The following MAPK10 variants were observed in gnomAD, a reference collection of about 807,000 sequenced individuals.
MAPK10 encodes the protein JNK3 alpha protein kinase.
A neutral mutation model predicts 59.3 loss-of-function variants in MAPK10; 25 were observed. The ratio of observed to expected loss-of-function variants is 0.42; its 90% CI spans 0.31 to 0.59. The LOEUF is 0.59. Among genes scored for constraint, MAPK10 ranks in the 20% least tolerant of loss-of-function variants. MAPK10 has a pLI of 0.15. For synonymous variants in MAPK10, 190 were observed against 200.5 expected (o/e 0.95, Z 0.44); for missense variants, 351 against 568.9 (o/e 0.62, Z 3.90).
intron 1 of MAPK10, among the ~76,000 whole-genome samples, chr4:86,436,993 AC>A (rs780018854): frequency 6.6e-5 from 10 of 152,114 alleles, no homozygotes; most frequent in Non-Finnish European, 7.4e-5. Context: ...TGGGCAGATC[AC>A]GAGGTCAGGA....
intron 4 of MAPK10, 105 bp from the exon 5 acceptor site, chr4:86,107,457 T>C: frequency 6.8e-7 from 1 of 1,473,692 alleles, no homozygotes; most frequent in Non-Finnish European, 9.0e-7. Context: ...TTCGGAATCT[T>C]AGATACTGTC....
At chr4:86,275,345 C>A (rs1286256550) in intron 2 of MAPK10, among the ~76,000 whole-genome samples, 1 of 151,932 alleles carries the variant, frequency 6.6e-6, no homozygotes, top group Non-Finnish European at 1.5e-5. Flanking sequence ...CTCAAAATAA[C>A]CTATATAATT....
rs74780246 is a variant in MAPK10 at position 86,240,028 on chromosome 4, A to G, written c.-6-45621T>C. On this transcript the variant is annotated intron_variant, in intron 2 of 13. Coordinates refer to ENST00000641462, the MANE Select transcript of MAPK10 (RefSeq NM_138982.4). ...CTTAACACTGCTTTAGCTGTGCCCC[A>G]GAGACTCTGGTATGTTGTCTCTTTG... is the stretch of plus-strand genomic sequence containing the variant. 1.4e-3 allele frequency among the ~76,000 whole-genome samples: 219 copies of G among 152,278 alleles called. 2 individuals are homozygous for G. Among genetic ancestry groups the G allele is most frequent in the African/African-American group, 5.1e-3 (210 of 41,548 alleles).
Position 86,565,538 on chromosome 4 carries a change from C to T in MAPK10, c.-263+28372G>A, listed in dbSNP as rs116735798. Among the ~76,000 whole-genome samples the T allele has an allele frequency of 9.2e-3, 1,396 of 152,250 alleles. 13 individuals carry two copies. Among genetic ancestry groups the T allele is most frequent in the Non-Finnish European group, 0.016 (1,059 of 68,026 alleles). On this transcript the variant is annotated intron_variant, in intron 1 of 4. Coordinates refer to the MAPK10 transcript ENST00000502302. ...TGAGTCACAGAAAGGTCTTCAAGGT[C>T]CCTCTAAAACATCAGTGATTAAATT...
intron 1 of MAPK10, among the ~76,000 whole-genome samples, chr4:86,490,044 A>G (rs545082663): frequency 7.9e-5 from 12 of 152,300 alleles, no homozygotes; most frequent in Non-Finnish European, 1.6e-4. Context: ...CGTTTTGCCC[A>G]CAAAACTTTC....
intron 2 of MAPK10, among the ~76,000 whole-genome samples, chr4:86,257,664 C>T (rs1439547652): frequency 6.6e-6 from 1 of 152,108 alleles, no homozygotes; most frequent in African/African-American, 2.4e-5. Context: ...CCCACCTCCG[C>T]TTGACTTCAG....
chr4:86,303,482 TAGAA>T (rs750251746), intron 2 of MAPK10, among the ~76,000 whole-genome samples: 16 of 151,942 alleles, frequency 1.1e-4, no homozygotes, highest in South Asian at 4.1e-4. Context: ...GTGGGAAAAC[TAGAA>T]AGAAAGAAAG....
chr4:86,345,844 G>A (rs1727850344), intron 2 of MAPK10, among the ~76,000 whole-genome samples: 3 of 152,180 alleles, frequency 2.0e-5, no homozygotes, highest in Non-Finnish European at 4.4e-5. Flanking sequence ...TTATTCAAAT[G>A]TGGTTTTAGT....
At chr4:86,375,421 T>C (rs1194146187) in intron 1 of MAPK10, among the ~76,000 whole-genome samples, 1 of 151,998 alleles carries the variant, frequency 6.6e-6, no homozygotes, top group Non-Finnish European at 1.5e-5. Flanking sequence ...TACCAAAACT[T>C]ATAAAAATTA....
chr4:86,450,091 G>C lies in MAPK10; in HGVS notation c.-122+2939C>G, dbSNP rs545158531. On this transcript the variant is annotated intron_variant, in intron 1 of 13. Transcript: ENST00000361569. ...GCCTGAACTCCCAATCCACAGAAAC[G>C]ATGAGATAATAAATGTGTGTTGTTT... Among the ~76,000 whole-genome samples the C allele has an allele frequency of 7.3e-4, 111 of 152,314 alleles. 2 individuals are homozygous for C. The South Asian group carries it at 0.022, about 30-fold the overall frequency.
At chr4:86,580,389 C>T (rs565326856) in intron 1 of MAPK10, among the ~76,000 whole-genome samples, 1 of 151,992 alleles carries the variant, frequency 6.6e-6, no homozygotes, top group African/African-American at 2.4e-5. Flanking sequence ...GTCCCAGCTA[C>T]TTGGGAGGCT....
chr4:86,034,280 C>T (rs1255017737), intron 11 of MAPK10, among the ~76,000 whole-genome samples: 1 of 152,142 alleles, frequency 6.6e-6, no homozygotes, highest in African/African-American at 2.4e-5. Context: ...AAGATTTGAA[C>T]TTCCTTGGTT....
At chr4:86,070,035 C>A (rs75609135) in intron 9 of MAPK10, among the ~76,000 whole-genome samples, 12 of 152,126 alleles carry the variant, frequency 7.9e-5, no homozygotes, top group Non-Finnish European at 1.6e-4. Flanking sequence ...ACACACTCAG[C>A]GCTCTTTCCT....
intron 2 of MAPK10, among the ~76,000 whole-genome samples, chr4:86,313,782 T>C (rs1332822564): frequency 6.6e-6 from 1 of 152,116 alleles, no homozygotes; most frequent in Non-Finnish European, 1.5e-5. Flanking sequence ...TCACAATAAC[T>C]TTGGAACACT....
chr4:86,042,598 T>C (rs934602443), intron 11 of MAPK10, among the ~76,000 whole-genome samples: 1 of 152,104 alleles, frequency 6.6e-6, no homozygotes, highest in Non-Finnish European at 1.5e-5. Flanking sequence ...TTTTTAAAAA[T>C]GCAAGCAAAA....
At chr4:86,495,428 G>T (rs1754804054) in intron 1 of MAPK10, among the ~76,000 whole-genome samples, 1 of 152,044 alleles carries the variant, frequency 6.6e-6, no homozygotes, top group African/African-American at 2.4e-5. Context: ...GGAAATCCTA[G>T]ATATCATATA....
At chr4:86,590,398 C>T (rs1279672786) in intron 1 of MAPK10, among the ~76,000 whole-genome samples, 1 of 152,022 alleles carries the variant, frequency 6.6e-6, no homozygotes, top group Admixed American at 6.6e-5. Flanking sequence ...CTTTTTAAGA[C>T]TCTTCTTATT....
intron 2 of MAPK10, among the ~76,000 whole-genome samples, chr4:86,290,931 T>C (rs2148820705): frequency 1.3e-5 from 2 of 152,362 alleles, no homozygotes; most frequent in Admixed American, 1.3e-4. Flanking sequence ...AGACATTATG[T>C]AAACCATTGT....
At chr4:86,415,571 C>A (rs116839949) in intron 1 of MAPK10, among the ~76,000 whole-genome samples, 1 of 152,160 alleles carries the variant, frequency 6.6e-6, no homozygotes, top group Non-Finnish European at 1.5e-5. Context: ...ACTCCTGCTA[C>A]AATCTGGTAA....
Sources: allele counts gnomAD v4.1 joint callset (sites outside exome capture counted in the v4.1 genomes callset), GRCh38; gene constraint gnomAD v4.1.1; transcripts MANE v1.5; gene names NCBI Gene and HGNC (gene_info 2026-07-23, HGNC 2026-07-21).